NAA15: variants seen among roughly 807,000 people sequenced by gnomAD.
The protein encoded by NAA15 is N-alpha-acetyltransferase 15, NatA auxiliary subunit.
In NAA15, 34 loss-of-function variants were observed where a neutral mutation model predicts 114.0. The ratio of observed to expected loss-of-function variants is 0.30; its 90% confidence interval spans 0.23 to 0.40. The LOEUF (loss-of-function observed/expected upper bound fraction) is 0.40. NAA15 is among the 10% of genes least tolerant of loss of function. The pLI is 1.00. For synonymous variants in NAA15, 340 were observed against 338.0 expected (o/e 1.01, Z -0.06); for missense variants, 658 against 1,004.5 (o/e 0.66, Z 4.66).
At chr4:139,356,986 CTTTT>C (rs10712283) in intron 10 of NAA15, among the ~76,000 whole-genome samples, 1 of 146,858 alleles carries the variant, frequency 6.8e-6, no homozygotes, top group African/African-American at 2.5e-5. Flanking sequence ...GCAGCCAGGG[CTTTT>C]TTTTTTTTTA....
intron 9 of NAA15, 127 bp downstream of exon 9, chr4:139,351,738 G>T: frequency 1.9e-6 from 1 of 517,168 alleles, no homozygotes; most frequent in Admixed American, 3.5e-5. Context: ...TTCCCAGTTT[G>T]CAGTTTAAAT....
intron 14 of NAA15, among the ~76,000 whole-genome samples, chr4:139,367,089 T>C (rs1444182691): frequency 6.6e-6 from 1 of 152,238 alleles, no homozygotes; most frequent in Non-Finnish European, 1.5e-5. Context: ...ATTTCAATTA[T>C]AGTTCTTTTA....
At chr4:139,381,121 C>G (rs1579138998) in intron 17 of NAA15, among the ~76,000 whole-genome samples, 1 of 152,126 alleles carries the variant, frequency 6.6e-6, no homozygotes, top group Non-Finnish European at 1.5e-5. Flanking sequence ...CCCTCCAAAT[C>G]TCTAGAATAT....
chr4:139,379,414 A>G (rs140948354), intron 17 of NAA15: 25 of 152,354 alleles, frequency 1.6e-4, no homozygotes, highest in African/African-American at 5.1e-4. Flanking sequence ...ATTGTCTCTC[A>G]TTTCATAGTG....
intron 6 of NAA15, among the ~76,000 whole-genome samples, chr4:139,346,048 TTTTG>T (rs996383431): frequency 6.6e-5 from 10 of 152,056 alleles, no homozygotes; most frequent in African/African-American, 9.7e-5. Context: ...CTCAAAAAGT[TTTTG>T]TTTGTTTGTT....
intron 16 of NAA15, 23 bp from the exon 17 acceptor site, chr4:139,378,733 T>A (rs1228170811): frequency 2.0e-6 from 3 of 1,465,022 alleles, no homozygotes; most frequent in Non-Finnish European, 2.8e-6. Context: ...GATCAAAATA[T>A]ATCTTACTTT....
At chr4:139,331,232 A>G (rs1316859302) in intron 1 of NAA15, among the ~76,000 whole-genome samples, 1 of 152,132 alleles carries the variant, frequency 6.6e-6, no homozygotes, top group Non-Finnish European at 1.5e-5. Flanking sequence ...TTCCCCCTCC[A>G]GAATCAAGCA....
At chr4:139,374,897 C>T (rs926651662) in intron 15 of NAA15, among the ~76,000 whole-genome samples, 4 of 152,144 alleles carry the variant, frequency 2.6e-5, no homozygotes, top group Admixed American at 2.6e-4. Context: ...TCTCCAAGTT[C>T]GAGTACTTGA....
intron 1 of NAA15, among the ~76,000 whole-genome samples, chr4:139,314,604 C>G (rs1259151415): frequency 1.3e-5 from 2 of 151,892 alleles, no homozygotes; most frequent in East Asian, 3.9e-4. Context: ...GTGCCACATT[C>G]TTTGCCGTCT....
At chr4:139,345,553 T>C (rs999660151) in intron 6 of NAA15, among the ~76,000 whole-genome samples, 1 of 152,146 alleles carries the variant, frequency 6.6e-6, no homozygotes, top group Non-Finnish European at 1.5e-5. Flanking sequence ...TTAGAAGTCA[T>C]TGGTGACCTT....
intron 1 of NAA15, among the ~76,000 whole-genome samples, chr4:139,328,952 C>G (rs938839425): frequency 3.3e-5 from 5 of 151,556 alleles, no homozygotes; most frequent in African/African-American, 1.2e-4. Flanking sequence ...TCACTGAAAC[C>G]TCCACCTCCC....
rs891662801 is a variant in NAA15 at position 139,301,662 on chromosome 4, T to C, written c.-116T>C. 3.3e-6 allele frequency: 4 copies of C among 1,226,972 alleles called. No homozygotes were observed. The highest frequency in any genetic ancestry group is 1.5e-5 in the African/African-American group (1 of 65,774). 76.0% of individuals were successfully genotyped at this position (1,226,972 alleles called of 1,614,324 possible). A position where few individuals can be genotyped will look rare whatever the true frequency, so the allele number is the denominator to read the frequency against. ...CGCGGCGACACCCGAGGCCTGGTGG[T>C]GGCGGCGGATCGAGATATTCAAGGC... On this transcript the variant is annotated 5_prime_UTR_variant, in exon 1 of 20. Transcript: ENST00000296543.
intron 6 of NAA15, among the ~76,000 whole-genome samples, chr4:139,347,540 C>T (rs1427552484): frequency 6.6e-6 from 1 of 152,010 alleles, no homozygotes; most frequent in Admixed American, 6.6e-5. Context: ...CAGGAGGCTG[C>T]CGTAGGTGGA....
chr4:139,329,063 G>A (rs1746908852), intron 1 of NAA15, among the ~76,000 whole-genome samples: 1 of 135,220 alleles, frequency 7.4e-6, no homozygotes, highest in Middle Eastern at 3.9e-3. Context: ...TGTATTTTTA[G>A]TAGAGACAAG....
intron 2 of NAA15, among the ~76,000 whole-genome samples, chr4:139,335,067 C>T (rs1747152535): frequency 6.6e-6 from 1 of 152,052 alleles, no homozygotes; most frequent in South Asian, 2.1e-4. Flanking sequence ...TCCTAATGAT[C>T]CCAACCCTTT....
intron 16 of NAA15, among the ~76,000 whole-genome samples, chr4:139,376,915 C>G (rs534533283): frequency 9.2e-5 from 14 of 152,072 alleles, no homozygotes; most frequent in Admixed American, 2.0e-4. Flanking sequence ...ACATAGAAGG[C>G]AAGAGTATCT....
chr4:139,320,652 C>CT (rs1746567417), intron 1 of NAA15, among the ~76,000 whole-genome samples: 1 of 152,198 alleles, frequency 6.6e-6, no homozygotes, highest in Admixed American at 6.5e-5. Flanking sequence ...TCCTGAGCCG[C>CT]TGGGACTACA....
rs1238929528 is a variant in NAA15 at position 139,387,884 on chromosome 4, A to ACATGTATGGAGGTATTGGAAGC, written c.2403_2424dup (p.Leu809MetfsTer10). The ACATGTATGGAGGTATTGGAAGC allele has an allele frequency of 6.2e-7, 1 of 1,612,140 alleles. No individual in the cohort carries two copies. The highest frequency in any genetic ancestry group is 1.7e-5 in the Admixed American group (1 of 59,668). ...AACATGACTTTTTTTCTTTCCTTAG[A>ACATGTATGGAGGTATTGGAAGC]CATGTATGGAGGTATTGGAAGCCTT... is the stretch of plus-strand genomic sequence containing the variant. On this transcript the variant is annotated frameshift_variant and splice_region_variant, in exon 20 of 20. Transcript: ENST00000296543. LOFTEE classifies it high-confidence loss of function.
intron 1 of NAA15, among the ~76,000 whole-genome samples, chr4:139,325,121 T>G (rs982497232): frequency 2.0e-5 from 3 of 151,562 alleles, no homozygotes; most frequent in Non-Finnish European, 4.4e-5. Flanking sequence ...GGGCGGGGGG[T>G]TTAGTTTTTA....
Sources: allele counts gnomAD v4.1 joint callset (sites outside exome capture counted in the v4.1 genomes callset), GRCh38; gene constraint gnomAD v4.1.1; transcripts MANE v1.5; gene names NCBI Gene and HGNC (gene_info 2026-07-23, HGNC 2026-07-21).